SGK3: variants seen among roughly 807,000 people sequenced by gnomAD.
The protein encoded by SGK3 is serine/threonine-protein kinase Sgk3.
Under a neutral mutation model 68.5 loss-of-function variants are expected in SGK3, and 47 were observed. The observed-to-expected ratio is 0.69, with a 90% CI of 0.54 to 0.87. The LOEUF is 0.87. SGK3 is among the 40% of genes least tolerant of loss of function. SGK3 has a pLI of 0.00. For synonymous variants in SGK3, 181 were observed against 189.1 expected (o/e 0.96, Z 0.35); for missense variants, 479 against 575.5 (o/e 0.83, Z 1.72).
chr8:66,854,926 A>AT (rs1367031820), intron 16 of SGK3, among the ~76,000 whole-genome samples: 3 of 151,872 alleles, frequency 2.0e-5, no homozygotes, highest in Non-Finnish European at 4.4e-5. Flanking sequence ...AGGCAGGTGG[A>AT]TTTTTTGAGC....
At chr8:66,818,245 A>G (rs1321568335) in intron 5 of SGK3, among the ~76,000 whole-genome samples, 4 of 152,258 alleles carry the variant, frequency 2.6e-5, no homozygotes, top group Non-Finnish European at 2.9e-5. Context: ...TACATTTAAC[A>G]TAGAAGGAAC....
intron 8 of SGK3, among the ~76,000 whole-genome samples, chr8:66,834,097 A>G (rs565656452): frequency 6.6e-6 from 1 of 152,376 alleles, no homozygotes; most frequent in African/African-American, 2.4e-5. Context: ...CATATCCAAC[A>G]GAAATGAATA....
Position 66,798,601 on chromosome 8 carries a change from A to G in SGK3, c.156A>G (p.Ala52=), listed in dbSNP as rs1202326611. 6.2e-7 allele frequency: 1 copy of G among 1,611,376 alleles called. No individual in the cohort carries two copies. The highest frequency in any genetic ancestry group is 1.7e-5 in the Admixed American group (1 of 59,902). The change falls in exon 3 of 17, where the codon GCA becomes GCG. Residue 52 remains alanine, a synonymous_variant. Transcript: ENST00000521198. ...RSEWFVFRRY[A]EFDKLYNTLK... ...AATGGTTTGTCTTCAGGAGATATGC[A>G]GAGTTTGATAAACTTTATAACACTG...
intron 15 of SGK3, among the ~76,000 whole-genome samples, chr8:66,849,065 A>G (rs1810156411): frequency 6.6e-6 from 1 of 152,046 alleles, no homozygotes. Flanking sequence ...TCCTTTTCAA[A>G]CTTCAAGTGT....
At chr8:66,819,348 A>C (rs1808717521) in intron 5 of SGK3, among the ~76,000 whole-genome samples, 1 of 152,240 alleles carries the variant, frequency 6.6e-6, no homozygotes, top group South Asian at 2.1e-4. Context: ...AAAATGGTTT[A>C]TAATTCAGAC....
chr8:66,780,657 G>A (rs899451757), intron 1 of SGK3, among the ~76,000 whole-genome samples: 3 of 152,166 alleles, frequency 2.0e-5, no homozygotes, highest in African/African-American at 7.2e-5. Context: ...TATGAGTCTA[G>A]TGAACACAGA....
intron 1 of SGK3, among the ~76,000 whole-genome samples, chr8:66,716,089 T>C (rs1257150046): frequency 1.3e-5 from 2 of 152,222 alleles, no homozygotes; most frequent in African/African-American, 4.8e-5. Flanking sequence ...ATGTAACATG[T>C]TATTCCTGAC....
At chr8:66,751,163 G>T (rs936553976) in intron 1 of SGK3, among the ~76,000 whole-genome samples, 2 of 151,830 alleles carry the variant, frequency 1.3e-5, no homozygotes, top group Non-Finnish European at 2.9e-5. Flanking sequence ...TTAGCCGGGC[G>T]TGGTGGCGGG....
chr8:66,720,001 A>G (rs571111365), intron 1 of SGK3, among the ~76,000 whole-genome samples: 3 of 152,360 alleles, frequency 2.0e-5, no homozygotes, highest in East Asian at 3.9e-4. Context: ...GTAGCCAGCC[A>G]ACGTCACAGA....
chr8:66,786,361 T>C (rs1807199141), intron 1 of SGK3, among the ~76,000 whole-genome samples: 1 of 152,178 alleles, frequency 6.6e-6, no homozygotes, highest in African/African-American at 2.4e-5. Flanking sequence ...CTTCATCCTT[T>C]CATGCTTCAG....
intron 6 of SGK3, among the ~76,000 whole-genome samples, chr8:66,824,425 T>C (rs1453805945): frequency 6.6e-6 from 1 of 151,874 alleles, no homozygotes; most frequent in East Asian, 1.9e-4. Context: ...TATTAGCAAA[T>C]GAAAATCTTA....
At chr8:66,807,037 G>A (rs1000257924) in intron 4 of SGK3, among the ~76,000 whole-genome samples, 1 of 152,174 alleles carries the variant, frequency 6.6e-6, no homozygotes, top group Admixed American at 6.6e-5. Context: ...GAGAGACTGG[G>A]AGACTTGTTA....
intron 4 of SGK3, among the ~76,000 whole-genome samples, chr8:66,807,847 A>G (rs951831460): frequency 6.6e-6 from 1 of 152,218 alleles, no homozygotes; most frequent in African/African-American, 2.4e-5. Flanking sequence ...TTGTGACACA[A>G]TTTTTAACAG....
At chr8:66,741,579 T>C (rs1435757282) in intron 1 of SGK3, among the ~76,000 whole-genome samples, 1 of 151,768 alleles carries the variant, frequency 6.6e-6, no homozygotes, top group South Asian at 2.1e-4. Context: ...AATTATATGT[T>C]GGTGGGGCTG....
At chr8:66,772,053 G>A (rs1461125444) in intron 1 of SGK3, among the ~76,000 whole-genome samples, 1 of 84,616 alleles carries the variant, frequency 1.2e-5, no homozygotes, top group Non-Finnish European at 2.5e-5. Flanking sequence ...CCTAATTATG[G>A]ATGAATCTAT....
At chr8:66,747,070 A>G (rs1805674450) in intron 1 of SGK3, among the ~76,000 whole-genome samples, 1 of 151,806 alleles carries the variant, frequency 6.6e-6, no homozygotes, top group African/African-American at 2.4e-5. Context: ...TCAAAAAAAA[A>G]AGGGTTTTTT....
At chr8:66,806,231 C>T (rs1359058976) in intron 4 of SGK3, among the ~76,000 whole-genome samples, 1 of 151,428 alleles carries the variant, frequency 6.6e-6, no homozygotes, top group African/African-American at 2.4e-5. Context: ...TAGCACATTT[C>T]ATTGTAATTG....
intron 1 of SGK3, among the ~76,000 whole-genome samples, chr8:66,747,041 C>T (rs1805673582): frequency 6.6e-6 from 1 of 151,628 alleles, no homozygotes; most frequent in Non-Finnish European, 1.5e-5. Flanking sequence ...TTTTAAATTG[C>T]CTTTTAGAAT....
At chr8:66,846,511 A>C (rs1331463515) in intron 14 of SGK3, among the ~76,000 whole-genome samples, 1 of 152,000 alleles carries the variant, frequency 6.6e-6, no homozygotes, top group Non-Finnish European at 1.5e-5. Flanking sequence ...AGACGGTTTC[A>C]CCATGTTGCC....
Sources: allele counts gnomAD v4.1 joint callset (sites outside exome capture counted in the v4.1 genomes callset), GRCh38; gene constraint gnomAD v4.1.1; transcripts MANE v1.5; gene names NCBI Gene and HGNC (gene_info 2026-07-23, HGNC 2026-07-21).